The following CASTOR2 variants were observed in gnomAD, a reference collection of about 807,000 sequenced individuals.
CASTOR2 encodes the protein GATS protein like 2.
CASTOR2 carries 8 observed loss-of-function variants against 31.2 expected under a neutral mutation model. The ratio of observed to expected loss-of-function variants is 0.26; its 90% CI spans 0.15 to 0.46. The LOEUF is 0.46. Ranked by LOEUF, CASTOR2 falls within the 20% of genes least tolerant of loss-of-function variation. The pLI is 0.99. For missense variants in CASTOR2, 216 were observed against 382.1 expected (o/e 0.57, Z 3.62); for synonymous variants, 162 against 158.7 (o/e 1.02, Z -0.16).
chr7:74,970,649 GC>G (rs1803658148), intron 1 of CASTOR2, among the ~76,000 whole-genome samples: 1 of 116,510 alleles, frequency 8.6e-6, no homozygotes, highest in African/African-American at 3.2e-5. Flanking sequence ...AAACGATAAG[GC>G]CAGACCCAGT....
chr7:75,024,379 AG>A (rs1805074842), intron 7 of CASTOR2, 60 bp from the exon 8 acceptor site: 1 of 1,515,054 alleles, frequency 6.6e-7, no homozygotes, highest in Admixed American at 2.0e-5. Context: ...GAGGCTGAAG[AG>A]CCACACAGGC....
intron 2 of CASTOR2, among the ~76,000 whole-genome samples, chr7:75,011,836 G>A (rs1804756799): frequency 3.3e-5 from 5 of 151,114 alleles, no homozygotes; most frequent in Non-Finnish European, 1.5e-5. Context: ...GCGTGGTGGC[G>A]CATGCCTGTA....
intron 1 of CASTOR2, among the ~76,000 whole-genome samples, chr7:74,985,585 C>A (rs1434816505): frequency 8.5e-3 from 571 of 67,258 alleles, no homozygotes; most frequent in African/African-American, 0.015. Flanking sequence ...CAGCCTGGCT[C>A]AAAAAAAAAA....
At chr7:74,991,250 A>G (rs587648213) in intron 1 of CASTOR2, among the ~76,000 whole-genome samples, 2 of 152,228 alleles carry the variant, frequency 1.3e-5, no homozygotes, top group East Asian at 1.9e-4. Flanking sequence ...ATAACTGGAT[A>G]TGAGGGAAGC....
rs907600735 is a variant in CASTOR2, at chr7:75,027,620, G to A, written c.*2921G>A. On this transcript the variant is annotated 3_prime_UTR_variant, in exon 9 of 9. Coordinates refer to ENST00000616305, the MANE Select transcript of CASTOR2 (RefSeq NM_001145064.3). Reference sequence around the variant, plus strand: ...TGGAGAAAAGCATGTGTGTCGGGGCGCGCTGGGGCCAGGGTATGGCTCTCC... The same window carrying A: ...TGGAGAAAAGCATGTGTGTCGGGGCACGCTGGGGCCAGGGTATGGCTCTCC... 24 of 207,222 alleles carry A rather than the reference G, an allele frequency of 1.2e-4. No individual in the cohort carries two copies. Among genetic ancestry groups the A allele is most frequent in the Non-Finnish European group, 1.7e-4 (17 of 101,642 alleles). The allele number at this position is 207,222 out of a possible 1,614,324, so 12.8% of individuals were successfully genotyped here.
intron 1 of CASTOR2, 48 bp from the exon 2 acceptor site, chr7:75,007,946 G>A: frequency 6.2e-7 from 1 of 1,613,698 alleles, no homozygotes; most frequent in Non-Finnish European, 8.5e-7. Context: ...CTGCCCCAGG[G>A]GACCTGCCTG....
rs1237170054 is a variant in CASTOR2, at chr7:74,990,405, AAAC to A, written c.114-17574_114-17572del. ...CTCAAAAAAAAAAAACAAAAACAAAAAACAACAACAACAACAAAAAAACATGTT... is the reference window on the plus strand; with the variant it reads ...CTCAAAAAAAAAAAACAAAAACAAAAAACAACAACAACAAAAAAACATGTT... On this transcript the variant is annotated intron_variant, in intron 1 of 8. Coordinates refer to ENST00000616305, the MANE Select transcript of CASTOR2 (RefSeq NM_001145064.3). 2.0e-4 allele frequency among the ~76,000 whole-genome samples: 30 copies of A among 151,724 alleles called. 1 individual carries two copies. The South Asian group carries it at 4.8e-3, about 24-fold the overall frequency.
At chr7:75,020,189 G>A in intron 6 of CASTOR2, 40 bp downstream of exon 6, 1 of 1,532,440 alleles carries the variant, frequency 6.5e-7, no homozygotes, top group Non-Finnish European at 8.9e-7. Flanking sequence ...CCCAGGGTGG[G>A]CCCCAGGGTC....
intron 1 of CASTOR2, among the ~76,000 whole-genome samples, chr7:74,987,855 C>T (rs1176564672): frequency 1.3e-4 from 19 of 151,956 alleles, no homozygotes; most frequent in African/African-American, 1.9e-4. Flanking sequence ...ATTATAGACA[C>T]GCACCACACA....
chr7:75,004,927 G>A (rs1400656451), intron 1 of CASTOR2, among the ~76,000 whole-genome samples: 3 of 151,900 alleles, frequency 2.0e-5, no homozygotes, highest in African/African-American at 4.8e-5. Flanking sequence ...GTGTAGTGGC[G>A]TGATCTTGGC....
intron 6 of CASTOR2, 105 bp from the exon 7 acceptor site, chr7:75,021,769 C>G (rs1805010823): frequency 1.4e-6 from 2 of 1,428,006 alleles, no homozygotes; most frequent in South Asian, 2.5e-5. Context: ...CTGCCCAACC[C>G]TGCCTGGCCA....
chr7:75,001,194 T>C (rs35805528), intron 1 of CASTOR2, among the ~76,000 whole-genome samples: 134,016 of 152,170 alleles, frequency 0.88, 59,115 homozygotes, highest in East Asian at 0.98. Context: ...CTCCCACCTC[T>C]GCCTCCTGAG....
At position 75,024,623 on chromosome 7, in the gene CASTOR2, C is replaced by T. The variant is rs1805078511; in HGVS notation, c.925-11C>T. The T allele has an allele frequency of 1.6e-5, 25 of 1,551,346 alleles. No individual in the cohort carries two copies. The South Asian group carries it at 2.9e-4, about 18-fold the overall frequency. ...CACGGGCAGGCATCTGCCTCCTCTA[C>T]CCCTGCACAGGTCCCCGAAGAGAAC... On this transcript the variant is annotated splice_polypyrimidine_tract_variant and intron_variant, in intron 8 of 8. Transcript: ENST00000616305.
At chr7:75,019,211 A>T in intron 5 of CASTOR2, 116 bp downstream of exon 5, 3 of 1,502,396 alleles carry the variant, frequency 2.0e-6, no homozygotes, top group Non-Finnish European at 2.7e-6. Context: ...GAGGGAAGAG[A>T]CACAGACCTT....
chr7:75,004,867 G>T (rs1347007665), intron 1 of CASTOR2, among the ~76,000 whole-genome samples: 1 of 151,844 alleles, frequency 6.6e-6, no homozygotes, highest in Admixed American at 6.6e-5. Flanking sequence ...ATCTTGTGAG[G>T]TTTTTTTGTT....
rs1425841151 is a variant in CASTOR2, at chr7:75,028,620, A to G, written c.*3921A>G. Among the ~76,000 whole-genome samples, 5 of 152,104 alleles carry G rather than the reference A, an allele frequency of 3.3e-5. No individual in the cohort carries two copies. The highest frequency in any genetic ancestry group is 3.3e-4 in the Admixed American group (5 of 15,258). On this transcript the variant is annotated 3_prime_UTR_variant, in exon 9 of 9. Coordinates refer to ENST00000616305, the MANE Select transcript of CASTOR2 (RefSeq NM_001145064.3). ...AGAGCAGTGACCACCCCTCCCTGCCACTGATAAGTTCTGCCTCGTCGTGGG... is the reference window on the plus strand; with the variant it reads ...AGAGCAGTGACCACCCCTCCCTGCCGCTGATAAGTTCTGCCTCGTCGTGGG...
At chr7:75,011,016 C>T (rs1211785862) in intron 2 of CASTOR2, among the ~76,000 whole-genome samples, 1 of 152,040 alleles carries the variant, frequency 6.6e-6, no homozygotes, top group East Asian at 1.9e-4. Flanking sequence ...CCATGCCCGG[C>T]TAATTTTTTT....
chr7:74,995,511 GAAAAA>G (rs1335114046), intron 1 of CASTOR2, among the ~76,000 whole-genome samples: 1 of 88,454 alleles, frequency 1.1e-5, no homozygotes, highest in Admixed American at 1.6e-4. Flanking sequence ...ACAAAAAAAT[GAAAAA>G]AAAAAAAAAG....
Position 74,977,170 on chromosome 7 carries a change from G to A in CASTOR2, c.113+12072G>A, listed in dbSNP as rs1453614063. Among the ~76,000 whole-genome samples, 3 of 127,800 alleles carry A rather than the reference G, an allele frequency of 2.3e-5. No homozygotes were observed. In the Admixed American group the frequency reaches 2.5e-4, roughly 10 times the overall value. 83.8% of individuals were successfully genotyped at this position (127,800 alleles called of 152,430 possible). ...CTACACTCCAGCCTGGGTGACAAGA[G>A]TGAAACTCCATCTCAAAAAAAAAAA... On this transcript the variant is annotated intron_variant, in intron 1 of 8. Coordinates refer to ENST00000616305, the MANE Select transcript of CASTOR2 (RefSeq NM_001145064.3).
Sources: gnomAD v4.1 joint callset for allele counts (sites outside exome capture counted in the v4.1 genomes callset) on GRCh38, gnomAD v4.1.1 for gene constraint, MANE v1.5 for transcripts, NCBI Gene and HGNC (gene_info 2026-07-23, HGNC 2026-07-21) for gene names.